Variants in LHFPL2 observed in about 807,000 individuals in gnomAD.
LHFPL2 encodes the protein LHFPL tetraspan subfamily member 2 protein.
Under a neutral mutation model 17.5 loss-of-function variants are expected in LHFPL2, and 7 were observed. The ratio of observed to expected loss-of-function variants is 0.40; its 90% CI spans 0.23 to 0.75. The LOEUF (loss-of-function observed/expected upper bound fraction) is 0.75. Among genes scored for constraint, LHFPL2 ranks in the 30% least tolerant of loss-of-function variants. The pLI is 0.37. For missense variants in LHFPL2, 241 were observed against 294.8 expected (o/e 0.82, Z 1.34); for synonymous variants, 134 against 116.2 (o/e 1.15, Z -0.99).
At chr5:78,502,383 G>C (rs937400937) in intron 4 of LHFPL2, among the ~76,000 whole-genome samples, 49 of 152,274 alleles carry the variant, frequency 3.2e-4, no homozygotes, top group Non-Finnish European at 1.3e-4. Flanking sequence ...AATTACTTCT[G>C]CTAGCAGTTT....
At position 78,488,959 on chromosome 5, in the gene LHFPL2, T is replaced by A; in HGVS notation, c.625A>T (p.Thr209Ser). 6.2e-7 allele frequency: 1 copy of A among 1,614,172 alleles called. No individual in the cohort carries two copies. The highest frequency in any genetic ancestry group is 1.3e-5 in the African/African-American group (1 of 75,040). ...AVFSAQAEIA[T>S]SSDKVQEEIE... is the part of the protein sequence containing the mutation. ...TCTTCCTGTACTTTGTCACTAGAGG[T>A]TGCAATTTCTGCTTGTGCAGAGAAG... The change falls in exon 5 of 5, where the codon ACC becomes TCC. Residue 209 changes from threonine (T) to serine (S), a missense_variant. Transcript: ENST00000380345.
chr5:78,537,321 G>T (rs951646448), intron 3 of LHFPL2, among the ~76,000 whole-genome samples: 3 of 152,184 alleles, frequency 2.0e-5, no homozygotes, highest in African/African-American at 7.2e-5. Context: ...ACCTGCCAAG[G>T]TGATGTTTGT....
At chr5:78,499,513 C>T (rs1299569484) in intron 4 of LHFPL2, among the ~76,000 whole-genome samples, 1 of 152,218 alleles carries the variant, frequency 6.6e-6, no homozygotes, top group Non-Finnish European at 1.5e-5. Flanking sequence ...GAGTCCACTT[C>T]CTGAGCCTTA....
At chr5:78,611,391 T>G (rs907336982) in intron 2 of LHFPL2, among the ~76,000 whole-genome samples, 1 of 152,190 alleles carries the variant, frequency 6.6e-6, no homozygotes, top group Non-Finnish European at 1.5e-5. Flanking sequence ...CAGGGCTCAG[T>G]GTCATCTTCT....
At chr5:78,643,895 T>C (rs1324112635) in intron 1 of LHFPL2, among the ~76,000 whole-genome samples, 1 of 152,104 alleles carries the variant, frequency 6.6e-6, no homozygotes, top group Admixed American at 6.6e-5. Flanking sequence ...ACCCCATCTC[T>C]ACTAAAAATA....
At chr5:78,520,238 T>A (rs1343388824) in intron 3 of LHFPL2, among the ~76,000 whole-genome samples, 1 of 152,096 alleles carries the variant, frequency 6.6e-6, no homozygotes, top group Non-Finnish European at 1.5e-5. Context: ...TCACTCTCTG[T>A]AGAAGGAAAT....
Position 78,487,967 on chromosome 5 carries a change from C to A in LHFPL2, c.*930G>T, listed in dbSNP as rs991003791. 7 of 152,198 alleles carry A rather than the reference C, an allele frequency of 4.6e-5. No homozygotes were observed. Among genetic ancestry groups the A allele is most frequent in the Non-Finnish European group, 1.0e-4 (7 of 68,046 alleles). The allele number at this position is 152,198 out of a possible 1,614,324, so 9.4% of individuals were successfully genotyped here. Reference sequence around the variant, plus strand: ...CCAAACTGGGAGTAAAGGTCTCCCCCCAAGTGCCGAGATTCTGGCAGGTCC... The same window carrying A: ...CCAAACTGGGAGTAAAGGTCTCCCCACAAGTGCCGAGATTCTGGCAGGTCC... On this transcript the variant is annotated 3_prime_UTR_variant, in exon 5 of 5. Transcript: ENST00000380345.
At chr5:78,501,813 A>G (rs909636923) in intron 4 of LHFPL2, among the ~76,000 whole-genome samples, 1 of 152,236 alleles carries the variant, frequency 6.6e-6, no homozygotes, top group Non-Finnish European at 1.5e-5. Flanking sequence ...GGGCCAGATC[A>G]GGAACTAGAA....
intron 2 of LHFPL2, among the ~76,000 whole-genome samples, chr5:78,589,825 A>G (rs1460760258): frequency 6.6e-6 from 1 of 152,230 alleles, no homozygotes; most frequent in Non-Finnish European, 1.5e-5. Context: ...CCAGAGCAGG[A>G]CACAACACAG....
At chr5:78,579,775 G>C (rs1743027144) in intron 2 of LHFPL2, among the ~76,000 whole-genome samples, 1 of 152,138 alleles carries the variant, frequency 6.6e-6, no homozygotes, top group Non-Finnish European at 1.5e-5. Flanking sequence ...CCAAGTCTTT[G>C]CTATTGTGAA....
intron 3 of LHFPL2, among the ~76,000 whole-genome samples, chr5:78,553,035 G>A (rs1756488249): frequency 6.6e-6 from 1 of 152,218 alleles, no homozygotes; most frequent in African/African-American, 2.4e-5. Flanking sequence ...TGAGTCAACA[G>A]AAATGGGTTC....
chr5:78,532,071 C>T (rs984412679), intron 3 of LHFPL2, among the ~76,000 whole-genome samples: 2 of 152,038 alleles, frequency 1.3e-5, no homozygotes, highest in African/African-American at 2.4e-5. Flanking sequence ...ATTACAGGCA[C>T]GTGCCACCAC....
In LHFPL2 at chr5:78,510,292, G is replaced by A; in HGVS notation, c.-79C>T. 6.5e-6 allele frequency: 9 copies of A among 1,377,454 alleles called. No individual in the cohort carries two copies. Among genetic ancestry groups the A allele is most frequent in the South Asian group, 4.4e-5 (3 of 67,440 alleles). 85.3% of individuals were successfully genotyped at this position (1,377,454 alleles called of 1,614,324 possible). A position where few individuals can be genotyped will look rare whatever the true frequency, so the allele number is the denominator to read the frequency against. ...AGAAAGTCGGTGGGGAAGGAGGCTC[G>A]GGCGGCCCGGGAAGGAAGTCGCAGC... is the stretch of plus-strand genomic sequence containing the variant. On this transcript the variant is annotated 5_prime_UTR_variant, in exon 4 of 5. Transcript: ENST00000380345.
chr5:78,583,914 G>A (rs1308712312), intron 2 of LHFPL2, among the ~76,000 whole-genome samples: 1 of 151,508 alleles, frequency 6.6e-6, no homozygotes, highest in Non-Finnish European at 1.5e-5. Context: ...TCACTTTCAG[G>A]TACACCAATC....
intron 3 of LHFPL2, among the ~76,000 whole-genome samples, chr5:78,563,369 C>A (rs1282339039): frequency 1.3e-5 from 2 of 151,876 alleles, no homozygotes; most frequent in African/African-American, 4.8e-5. Context: ...TAATTTCTCC[C>A]ACCTCCACTA....
chr5:78,640,662 G>GA (rs1161676290), intron 1 of LHFPL2, among the ~76,000 whole-genome samples: 2 of 151,892 alleles, frequency 1.3e-5, no homozygotes, highest in Admixed American at 1.3e-4. Flanking sequence ...GAAAAATAAA[G>GA]AAAAAAAATT....
At chr5:78,543,975 C>T (rs889830547) in intron 3 of LHFPL2, among the ~76,000 whole-genome samples, 3 of 152,182 alleles carry the variant, frequency 2.0e-5, no homozygotes, top group African/African-American at 7.2e-5. Flanking sequence ...AATCTACCTC[C>T]AGTGGCAGAT....
chr5:78,585,572 G>A (rs955755152), intron 2 of LHFPL2, among the ~76,000 whole-genome samples: 7 of 152,106 alleles, frequency 4.6e-5, no homozygotes, highest in South Asian at 2.1e-4. Context: ...CGTCTTCTGC[G>A]TCGCTCATGC....
intron 2 of LHFPL2, among the ~76,000 whole-genome samples, chr5:78,626,852 A>T (rs1182288057): frequency 6.6e-6 from 1 of 151,996 alleles, no homozygotes; most frequent in African/African-American, 2.4e-5. Context: ...AGGCCGAGAC[A>T]GAAAGATCAC....
Sources: gnomAD v4.1 joint callset for allele counts (sites outside exome capture counted in the v4.1 genomes callset) on GRCh38, gnomAD v4.1.1 for gene constraint, MANE v1.5 for transcripts, NCBI Gene and HGNC (gene_info 2026-07-23, HGNC 2026-07-21) for gene names.